Variants in CPN2 observed in about 807,000 individuals in gnomAD.
The protein encoded by CPN2 is carboxypeptidase N 83 kDa chain.
For missense variants in CPN2, 620 were observed against 671.4 expected (o/e 0.92, Z 0.85); for synonymous variants, 336 against 318.4 (o/e 1.06, Z -0.59).
rs1204480465 is a variant in CPN2, at chr3:194,350,831, C to A, written c.-4+411G>T. ...ATAACAAGACCCCCATCTCAAAAAACAATAATTATATTAATAAATAATTAA... is the reference window on the plus strand; with the variant it reads ...ATAACAAGACCCCCATCTCAAAAAAAAATAATTATATTAATAAATAATTAA... On this transcript the variant is annotated intron_variant, in intron 1 of 1. Coordinates refer to ENST00000323830, the MANE Select transcript of CPN2 (RefSeq NM_001080513.4). Among the ~76,000 whole-genome samples, 3 of 151,024 alleles carry A rather than the reference C, an allele frequency of 2.0e-5. No individual in the cohort carries two copies. The East Asian group carries it at 5.8e-4, about 29-fold the overall frequency.
chr3:194,348,807 G>A (rs1225683197), intron 1 of CPN2, among the ~76,000 whole-genome samples: 1 of 151,832 alleles, frequency 6.6e-6, no homozygotes, highest in East Asian at 1.9e-4. Context: ...TGGGAGGACG[G>A]CTTGAGACTG....
rs1712731312 is a variant in CPN2 at position 194,339,904 on chromosome 3, C to T, written c.*1161G>A. On this transcript the variant is annotated 3_prime_UTR_variant, in exon 2 of 2. Transcript: ENST00000323830. ...TTATACATTTTAGGGAGGAATGAGGCATCAATCAAATACATTTAAGAAATA... is the reference window on the plus strand; with the variant it reads ...TTATACATTTTAGGGAGGAATGAGGTATCAATCAAATACATTTAAGAAATA... 1.3e-5 allele frequency: 2 copies of T among 152,140 alleles called. No individual in the cohort carries two copies. Among genetic ancestry groups the T allele is most frequent in the South Asian group, 4.1e-4 (2 of 4,822 alleles). The allele number at this position is 152,140 out of a possible 1,614,324, so 9.4% of individuals were successfully genotyped here. A position where few individuals can be genotyped will look rare whatever the true frequency, so the allele number is the denominator to read the frequency against.
In CPN2 at chr3:194,339,882, T is replaced by C. The variant is rs1011658810; in HGVS notation, c.*1183A>G. ...GTGGTCGAGGTACAGCTTGGTTTTA[T>C]ACATTTTAGGGAGGAATGAGGCATC... On this transcript the variant is annotated 3_prime_UTR_variant, in exon 2 of 2. Transcript: ENST00000323830. The C allele has an allele frequency of 2.0e-5, 3 of 152,202 alleles. No homozygotes were observed. In the East Asian group the frequency reaches 5.8e-4, roughly 29 times the overall value. 9.4% of individuals were successfully genotyped at this position (152,202 alleles called of 1,614,324 possible).
chr3:194,340,972 C>T lies in CPN2; in HGVS notation c.*93G>A. ...AACCCTGTCCCTTGCATGTGAAAAG[C>T]CAAGGCTTCGGAGACTCAGCTCCCC... On this transcript the variant is annotated 3_prime_UTR_variant, in exon 2 of 2. Coordinates refer to ENST00000323830, the MANE Select transcript of CPN2 (RefSeq NM_001080513.4). 1 of 1,445,592 alleles carries T rather than the reference C, an allele frequency of 6.9e-7. No individual in the cohort carries two copies. 89.5% of individuals were successfully genotyped at this position (1,445,592 alleles called of 1,614,324 possible). A position where few individuals can be genotyped will look rare whatever the true frequency, so the allele number is the denominator to read the frequency against.
rs896795542 is a variant in CPN2 at position 194,340,850 on chromosome 3, T to C, written c.*215A>G. ...TTTGCAAGGCATAAGGATGGCCTTG[T>C]TAGGCCGCACACTCCAGGAGAAGCG... On this transcript the variant is annotated 3_prime_UTR_variant, in exon 2 of 2. Transcript: ENST00000323830. 26 of 687,726 alleles carry C rather than the reference T, an allele frequency of 3.8e-5. No individual in the cohort carries two copies. In the African/African-American group the frequency reaches 4.3e-4, roughly 11 times the overall value. 42.6% of individuals were successfully genotyped at this position (687,726 alleles called of 1,614,324 possible).
In CPN2 at chr3:194,349,778, C is replaced by CTTTTTT. The variant is rs757478492; in HGVS notation, c.-4+1458_-4+1463dup. On this transcript the variant is annotated intron_variant, in intron 1 of 1. Transcript: ENST00000323830. ...ATGAAGCCTTCCTGACTACCCTCTT[C>CTTTTTT]TTTTTTTTTTTTTTTTTTTTTTTTT... Among the ~76,000 whole-genome samples, 52 of 65,596 alleles carry CTTTTTT rather than the reference C, an allele frequency of 7.9e-4. 4 individuals carry two copies. Among genetic ancestry groups the CTTTTTT allele is most frequent in the Non-Finnish European group, 1.1e-3 (39 of 36,184 alleles). The allele number at this position is 65,596 out of a possible 152,430, so 43.0% of individuals were successfully genotyped here. A position where few individuals can be genotyped will look rare whatever the true frequency, so the allele number is the denominator to read the frequency against.
chr3:194,346,525 C>T (rs1713052546), intron 1 of CPN2, among the ~76,000 whole-genome samples: 1 of 152,236 alleles, frequency 6.6e-6, no homozygotes, highest in African/African-American at 2.4e-5. Context: ...GCCCCATCCT[C>T]ACCTCACTCG....
chr3:194,341,671 C>T lies in CPN2; in HGVS notation c.1032G>A (p.Leu344=). 6.2e-7 allele frequency: 1 copy of T among 1,614,142 alleles called. No individual in the cohort carries two copies. Among genetic ancestry groups the T allele is most frequent in the Non-Finnish European group, 8.5e-7 (1 of 1,180,044 alleles). ...RDLEELVKLY[L]GSNNLTALHP... The stretch of plus-strand genomic sequence containing the variant: ...GCAGCGCCGTAAGGTTGTTGCTGCC[C>T]AGGTAGAGTTTGACCAACTCCTCCA... Residue 344 remains leucine (L), a synonymous_variant, in exon 2 of 2, where the codon CTG becomes CTA. Coordinates refer to ENST00000323830, the MANE Select transcript of CPN2 (RefSeq NM_001080513.4).
Position 194,341,269 on chromosome 3 carries a change from C to T in CPN2, c.1434G>A (p.Arg478=), listed in dbSNP as rs1712803235. 6.2e-7 allele frequency: 1 copy of T among 1,613,292 alleles called. No individual in the cohort carries two copies. ...CGGGGTTGCTGTAGGTGCACTGGCT[C>T]CGGGCTGCCCTTTCCTGCACAGCCA... The part of the protein sequence containing the change: ...WDLAVQERAA[R]SQCTYSNPEG... The change falls in exon 2 of 2, where the codon CGG becomes CGA. Residue 478 remains arginine, a synonymous_variant. Coordinates refer to ENST00000323830, the MANE Select transcript of CPN2 (RefSeq NM_001080513.4).
At chr3:194,348,335 T>C (rs73207291) in intron 1 of CPN2, among the ~76,000 whole-genome samples, 3,597 of 17,700 alleles carry the variant, frequency 0.2, 1,133 homozygotes, top group East Asian at 0.5. Context: ...GCCCACCCCA[T>C]CCTCTGCCCA....
In CPN2 at chr3:194,341,440, C is replaced by G; in HGVS notation, c.1263G>C (p.Gln421His). ...QQYTDRLLNI[Q>H]TYCAGPAYLK... is the part of the protein sequence containing the mutation. ...GGTAGGCAGGGCCAGCGCAGTAGGT[C>G]TGGATGTTCAGGAGCCGATCGGTGT... The change falls in exon 2 of 2, where the codon CAG becomes CAC. Residue 421 changes from glutamine to histidine, a missense_variant. By Grantham distance (24) the Gln-to-His change is conservative. Coordinates refer to ENST00000323830, the MANE Select transcript of CPN2 (RefSeq NM_001080513.4). 1 of 1,614,178 alleles carries G rather than the reference C, an allele frequency of 6.2e-7. No individual in the cohort carries two copies. Among genetic ancestry groups the G allele is most frequent in the Non-Finnish European group, 8.5e-7 (1 of 1,180,044 alleles).
At chr3:194,350,690 C>T (rs1300024075) in intron 1 of CPN2, among the ~76,000 whole-genome samples, 2 of 152,110 alleles carry the variant, frequency 1.3e-5, no homozygotes, top group East Asian at 1.9e-4. Flanking sequence ...AAACCAGGAG[C>T]TAGTCATCCT....
chr3:194,350,608 A>C (rs1236897889), intron 1 of CPN2, among the ~76,000 whole-genome samples: 1 of 152,196 alleles, frequency 6.6e-6, no homozygotes, highest in Non-Finnish European at 1.5e-5. Flanking sequence ...TGAATGTTCA[A>C]TAAAAGGTGG....
intron 1 of CPN2, among the ~76,000 whole-genome samples, chr3:194,344,596 G>A (rs1277614456): frequency 6.6e-6 from 1 of 152,236 alleles, no homozygotes; most frequent in African/African-American, 2.4e-5. Context: ...TCGGGAGGCT[G>A]AGGCAGGAGA....
Position 194,340,743 on chromosome 3 carries a change from G to C in CPN2, c.*322C>G, listed in dbSNP as rs1712768434. 3.3e-6 allele frequency: 1 copy of C among 305,186 alleles called. No individual in the cohort carries two copies. The highest frequency in any genetic ancestry group is 4.5e-5 in the Admixed American group (1 of 22,410). 18.9% of individuals were successfully genotyped at this position (305,186 alleles called of 1,614,324 possible). On this transcript the variant is annotated 3_prime_UTR_variant, in exon 2 of 2. Coordinates refer to ENST00000323830, the MANE Select transcript of CPN2 (RefSeq NM_001080513.4). ...AATAGACCTCAGGGTGTAGGTGAGA[G>C]CGGTTGGGTGTTACATAATGGGGAG...
intron 1 of CPN2, among the ~76,000 whole-genome samples, chr3:194,344,075 A>G (rs1012675097): frequency 2.0e-4 from 31 of 152,196 alleles, no homozygotes; most frequent in African/African-American, 7.2e-4. Flanking sequence ...CTGGGTCCCT[A>G]GCGCTCCTCG....
chr3:194,344,435 G>A (rs948040531), intron 1 of CPN2, among the ~76,000 whole-genome samples: 3 of 152,224 alleles, frequency 2.0e-5, no homozygotes, highest in Non-Finnish European at 2.9e-5. Flanking sequence ...AGTGGCTCAC[G>A]CCTGTAATCC....
Position 194,342,643 on chromosome 3 carries a change from C to T in CPN2, c.60G>A (p.Gln20=), listed in dbSNP as rs1385855694. ...TSLLLLARPA[Q]PCPMGCDCFV... ...AGCAGTCACAACCCATGGGACAGGG[C>T]TGGGCAGGCCTGGCCAGGAGCAGGA... Residue 20 remains glutamine (Q), a synonymous_variant, in exon 2 of 2, where the codon CAG becomes CAA. Coordinates refer to ENST00000323830, the MANE Select transcript of CPN2 (RefSeq NM_001080513.4). 2 of 1,606,770 alleles carry T rather than the reference C, an allele frequency of 1.2e-6. No individual in the cohort carries two copies. Among genetic ancestry groups the T allele is most frequent in the African/African-American group, 2.7e-5 (2 of 74,768 alleles).
At position 194,340,856 on chromosome 3, in the gene CPN2, C is replaced by T. The variant is rs926457552; in HGVS notation, c.*209G>A. Reference sequence around the variant, plus strand: ...AGGCATAAGGATGGCCTTGTTAGGCCGCACACTCCAGGAGAAGCGATGAAG... The same window carrying T: ...AGGCATAAGGATGGCCTTGTTAGGCTGCACACTCCAGGAGAAGCGATGAAG... On this transcript the variant is annotated 3_prime_UTR_variant, in exon 2 of 2. Coordinates refer to ENST00000323830, the MANE Select transcript of CPN2 (RefSeq NM_001080513.4). 1.4e-5 allele frequency: 10 copies of T among 736,138 alleles called. No individual in the cohort carries two copies. The highest frequency in any genetic ancestry group is 4.0e-4 in the Middle Eastern group (1 of 2,520). The allele number at this position is 736,138 out of a possible 1,614,324, so 45.6% of individuals were successfully genotyped here. A position where few individuals can be genotyped will look rare whatever the true frequency, so the allele number is the denominator to read the frequency against.
Sources: gnomAD v4.1 joint callset for allele counts (sites outside exome capture counted in the v4.1 genomes callset) on GRCh38, gnomAD v4.1.1 for gene constraint, MANE v1.5 for transcripts, NCBI Gene and HGNC (gene_info 2026-07-23, HGNC 2026-07-21) for gene names.